The following DENND4A variants were observed in gnomAD, a reference collection of about 807,000 sequenced individuals.
The protein encoded by DENND4A is DENN domain containing 4A.
DENND4A carries 70 observed loss-of-function variants against 199.3 expected under a neutral mutation model. That is an observed-to-expected ratio of 0.35 (90% confidence interval 0.29 to 0.43). The LOEUF (loss-of-function observed/expected upper bound fraction) is 0.43, where lower values mean the gene tolerates loss of function less well. Ranked by LOEUF, DENND4A falls within the 20% of genes least tolerant of loss-of-function variation. DENND4A has a pLI of 1.00. For synonymous variants in DENND4A, 686 were observed against 766.9 expected, an observed-to-expected ratio of 0.89 and a Z score of 1.74; for missense variants, 1,723 against 2,255.8, an observed-to-expected ratio of 0.76 and a Z score of 4.78.
In DENND4A at chr15:65,691,511, T is replaced by C. The variant is rs1373100163; in HGVS notation, c.3083A>G (p.Glu1028Gly). 6.4e-7 allele frequency: 1 copy of C among 1,571,908 alleles called. No individual in the cohort carries two copies. The highest frequency in any genetic ancestry group is 1.4e-5 in the African/African-American group (1 of 73,260). ...SAGKISGESM[E>G]STPELLLISS... is the part of the protein sequence containing the mutation. ...TATTAAGAGCAGCTCAGGTGTGCTT[T>C]CTGAAAAACAAGTAAAGTGCTTTTA... Residue 1028 changes from glutamate (E) to glycine (G), a missense_variant and splice_region_variant, in exon 23 of 33, where the codon GAA becomes GGA. Coordinates refer to ENST00000443035, the MANE Select transcript of DENND4A (RefSeq NM_001320835.1).
At chr15:65,706,497 T>C (rs28620836) in intron 14 of DENND4A, among the ~76,000 whole-genome samples, 3,799 of 57,330 alleles carry the variant, frequency 0.066, 58 homozygotes, top group African/African-American at 0.11. Flanking sequence ...CACACACACA[T>C]ATATATATAT....
chr15:65,724,195 T>C (rs999392632), intron 11 of DENND4A, among the ~76,000 whole-genome samples: 2 of 152,062 alleles, frequency 1.3e-5, no homozygotes, highest in African/African-American at 2.4e-5. Context: ...CCCAAGCAGC[T>C]GAGACTACAG....
At chr15:65,695,397 A>G (rs1414469240) in intron 22 of DENND4A, among the ~76,000 whole-genome samples, 2 of 152,230 alleles carry the variant, frequency 1.3e-5, no homozygotes, top group East Asian at 1.9e-4. Flanking sequence ...GTGTCCCACA[A>G]TATTAGTCTC....
In DENND4A at chr15:65,758,503, A is replaced by C. The variant is rs183716204; in HGVS notation, c.-22-2031T>G. ...TGGTTTGTTTTTGTTGTAGAGATAG[A>C]GTCTCATTTTGTTGCCCAGGCTGGT... On this transcript the variant is annotated intron_variant, in intron 2 of 32. Transcript: ENST00000443035. Among the ~76,000 whole-genome samples the C allele has an allele frequency of 1.6e-4, 24 of 151,906 alleles. No individual in the cohort carries two copies. In the East Asian group the frequency reaches 4.7e-3, roughly 29 times the overall value.
Position 65,691,373 on chromosome 15 carries a change from C to T in DENND4A, c.3221G>A (p.Arg1074Lys), listed in dbSNP as rs1249844134. 1.2e-6 allele frequency: 2 copies of T among 1,613,464 alleles called. No homozygotes were observed. ...NLQQQVVWGN[R>K]NRNLSGGVLM... ...TACCCCTCCACTAAGATTACGGTTT[C>T]TATTTCCCCAGACCACTTGCTGCTG... The change falls in exon 23 of 33, where the codon AGA becomes AAA. Residue 1074 changes from arginine to lysine, a missense_variant. Transcript: ENST00000443035.
intron 1 of DENND4A, among the ~76,000 whole-genome samples, chr15:65,781,838 A>G (rs2140970528): frequency 6.6e-6 from 1 of 152,334 alleles, no homozygotes; most frequent in Admixed American, 6.5e-5. Flanking sequence ...GAAGGCTGAG[A>G]AGAGCAACTG....
chr15:65,711,291 C>G (rs1030512689), intron 14 of DENND4A, among the ~76,000 whole-genome samples: 3 of 152,076 alleles, frequency 2.0e-5, no homozygotes, highest in Non-Finnish European at 2.9e-5. Flanking sequence ...CACTTAAGTC[C>G]AGGAGTTCAA....
intron 4 of DENND4A, 60 bp downstream of exon 4, chr15:65,752,319 A>G (rs1380162061): frequency 1.9e-5 from 6 of 316,182 alleles, no homozygotes; most frequent in Non-Finnish European, 2.8e-5. Context: ...AAAAAGATGT[A>G]TTTAAAATTA....
intron 1 of DENND4A, among the ~76,000 whole-genome samples, chr15:65,761,842 T>C (rs1396049462): frequency 6.6e-6 from 1 of 151,966 alleles, no homozygotes; most frequent in Non-Finnish European, 1.5e-5. Context: ...TTAACATAAT[T>C]CAAATATAGA....
intron 23 of DENND4A, among the ~76,000 whole-genome samples, chr15:65,685,980 T>C (rs1567002739): frequency 6.6e-6 from 1 of 152,244 alleles, no homozygotes; most frequent in African/African-American, 2.4e-5. Context: ...ACTTTTTCTT[T>C]TTCCAAATTG....
At chr15:65,665,216 C>T (rs923447726) in intron 30 of DENND4A, 129 bp downstream of exon 30, 18 of 635,366 alleles carry the variant, frequency 2.8e-5, no homozygotes, top group Non-Finnish European at 3.4e-5. Context: ...CAAAAGAGTA[C>T]GACTTTGACC....
chr15:65,776,277 A>C (rs2077281039), intron 1 of DENND4A, among the ~76,000 whole-genome samples: 1 of 152,188 alleles, frequency 6.6e-6, no homozygotes, highest in African/African-American at 2.4e-5. Context: ...AATGGTATTA[A>C]TATTAAAGAA....
intron 1 of DENND4A, among the ~76,000 whole-genome samples, chr15:65,769,981 T>C (rs937030505): frequency 6.6e-6 from 1 of 152,132 alleles, no homozygotes; most frequent in Non-Finnish European, 1.5e-5. Context: ...TGGAATTACT[T>C]ACAAGGAGCT....
At chr15:65,688,630 A>G (rs112838503) in intron 23 of DENND4A, among the ~76,000 whole-genome samples, 241 of 152,286 alleles carry the variant, frequency 1.6e-3, no homozygotes, top group Non-Finnish European at 2.9e-3. Context: ...GTCAAGGGGT[A>G]GGGTGAAACT....
At chr15:65,662,473 A>T (rs2075879387) in intron 32 of DENND4A, among the ~76,000 whole-genome samples, 1 of 151,430 alleles carries the variant, frequency 6.6e-6, no homozygotes. Context: ...CCATGTAATG[A>T]TTTTTTTTTC....
chr15:65,719,060 A>AT (rs1401342519), intron 12 of DENND4A, among the ~76,000 whole-genome samples: 1 of 151,802 alleles, frequency 6.6e-6, no homozygotes, highest in African/African-American at 2.4e-5. Flanking sequence ...GATTATAGGC[A>AT]TGAGGCACCA....
intron 22 of DENND4A, among the ~76,000 whole-genome samples, chr15:65,693,988 A>G (rs1421636077): frequency 6.6e-6 from 1 of 152,104 alleles, no homozygotes; most frequent in Non-Finnish European, 1.5e-5. Flanking sequence ...CTGGAATATA[A>G]TACATTACAT....
intron 21 of DENND4A, chr15:65,696,941 A>G (rs2077165606): frequency 3.2e-6 from 1 of 311,858 alleles, no homozygotes; most frequent in Non-Finnish European, 6.2e-6. Context: ...AAGGATCACA[A>G]GCTTTAAAAT....
chr15:65,671,928 T>A, intron 24 of DENND4A, 42 bp from the exon 25 acceptor site: 1 of 1,170,304 alleles, frequency 8.5e-7, no homozygotes, highest in Non-Finnish European at 1.3e-6. Context: ...CCATTAAAAT[T>A]AATGAGAAAG....
Sources: gnomAD v4.1 joint callset for allele counts (sites outside exome capture counted in the v4.1 genomes callset) on GRCh38, gnomAD v4.1.1 for gene constraint, MANE v1.5 for transcripts, NCBI Gene and HGNC (gene_info 2026-07-23, HGNC 2026-07-21) for gene names.